The following LUZP2 variants were observed in gnomAD, a reference collection of about 807,000 sequenced individuals.
LUZP2 encodes leucine zipper protein 2.
A neutral mutation model predicts 51.6 loss-of-function variants in LUZP2; 52 were observed. The observed-to-expected ratio is 1.01, with a 90% CI of 0.81 to 1.27. The LOEUF is 1.27. Among genes scored for constraint, LUZP2 ranks in the 50% most tolerant of loss-of-function variants. LUZP2 has a pLI of 0.00. For synonymous variants in LUZP2, 154 were observed against 137.3 expected, an observed-to-expected ratio of 1.12 and a Z score of -0.85; for missense variants, 436 against 395.4, an observed-to-expected ratio of 1.10 and a Z score of -0.87.
intron 5 of LUZP2, among the ~76,000 whole-genome samples, chr11:24,774,381 T>TATACACAC (rs1184772523): frequency 6.4e-5 from 6 of 93,986 alleles, no homozygotes; most frequent in South Asian, 7.3e-4. Flanking sequence ...TATATATATA[T>TATACACAC]ACATACACAC....
intron 9 of LUZP2, among the ~76,000 whole-genome samples, chr11:25,026,487 G>A (rs1857495630): frequency 6.6e-6 from 1 of 152,086 alleles, no homozygotes; most frequent in Admixed American, 6.6e-5. Context: ...AAAGTAGAGT[G>A]TAAGAAATGT....
intron 1 of LUZP2, among the ~76,000 whole-genome samples, chr11:24,690,043 A>T (rs1486486189): frequency 6.6e-6 from 1 of 152,138 alleles, no homozygotes; most frequent in African/African-American, 2.4e-5. Flanking sequence ...ATGCTAAGAC[A>T]CTGGCCTAAT....
At position 24,565,699 on chromosome 11, in the gene LUZP2, A is replaced by G. The variant is rs1042315712; in HGVS notation, c.62+68394A>G. Among the ~76,000 whole-genome samples the G allele has an allele frequency of 4.6e-5, 7 of 152,282 alleles. No homozygotes were observed. In the South Asian group the frequency reaches 1.2e-3, roughly 27 times the overall value. ...TAGAAGAAGTTTTAATATCAAGAATACACAAGATTACAAACACATAGAAAA... is the reference window on the plus strand; with the variant it reads ...TAGAAGAAGTTTTAATATCAAGAATGCACAAGATTACAAACACATAGAAAA... On this transcript the variant is annotated intron_variant, in intron 1 of 11. Transcript: ENST00000336930.
At chr11:24,926,243 G>GTATA (rs1314392077) in intron 7 of LUZP2, among the ~76,000 whole-genome samples, 1 of 143,432 alleles carries the variant, frequency 7.0e-6, no homozygotes, top group Non-Finnish European at 1.5e-5. Flanking sequence ...ATATGTGTGT[G>GTATA]TATATATATA....
intron 1 of LUZP2, among the ~76,000 whole-genome samples, chr11:24,686,556 T>C (rs922986425): frequency 2.6e-5 from 4 of 152,198 alleles, no homozygotes; most frequent in African/African-American, 9.6e-5. Context: ...TAAGTATATC[T>C]GTTCAAAATT....
At chr11:24,878,063 A>G (rs1852328850) in intron 5 of LUZP2, among the ~76,000 whole-genome samples, 1 of 148,318 alleles carries the variant, frequency 6.7e-6, no homozygotes, top group African/African-American at 2.5e-5. Context: ...GGTAAGAGTA[A>G]CTTACACATG....
intron 7 of LUZP2, among the ~76,000 whole-genome samples, chr11:24,965,724 C>A (rs1458904349): frequency 6.6e-6 from 1 of 151,472 alleles, no homozygotes; most frequent in Non-Finnish European, 1.5e-5. Flanking sequence ...AAAGAAGGAA[C>A]AATATGAAAT....
chr11:24,597,407 C>T (rs1853478641), intron 1 of LUZP2, among the ~76,000 whole-genome samples: 1 of 152,120 alleles, frequency 6.6e-6, no homozygotes, highest in Non-Finnish European at 1.5e-5. Context: ...TTTCTCTAAT[C>T]GAAACTCGTA....
intron 5 of LUZP2, among the ~76,000 whole-genome samples, chr11:24,847,956 A>G (rs187900373): frequency 2.0e-4 from 31 of 152,222 alleles, no homozygotes; most frequent in African/African-American, 7.0e-4. Flanking sequence ...TCTTGTTGCT[A>G]TTGTATTTAG....
At chr11:24,940,761 G>A (rs745364523) in intron 7 of LUZP2, among the ~76,000 whole-genome samples, 4 of 152,000 alleles carry the variant, frequency 2.6e-5, no homozygotes, top group Non-Finnish European at 4.4e-5. Context: ...ATAGAACCTT[G>A]AATTCAATCT....
intron 5 of LUZP2, among the ~76,000 whole-genome samples, chr11:24,841,142 G>A (rs1470536547): frequency 1.3e-5 from 2 of 151,964 alleles, no homozygotes; most frequent in Admixed American, 6.6e-5. Flanking sequence ...GGTATTAGGA[G>A]ATGAAGCCTT....
chr11:25,030,942 A>ATGTAT (rs1857646214), intron 9 of LUZP2, among the ~76,000 whole-genome samples: 1 of 2,666 alleles, frequency 3.8e-4, no homozygotes, highest in Non-Finnish European at 8.7e-4. Context: ...TATATATTAT[A>ATGTAT]TATATTATAT....
intron 9 of LUZP2, among the ~76,000 whole-genome samples, chr11:25,046,216 A>T (rs1046151221): frequency 1.5e-4 from 12 of 79,534 alleles, no homozygotes; most frequent in African/African-American, 4.7e-4. Flanking sequence ...ATGAGAGAAA[A>T]GTAATCCTCC....
At chr11:24,705,682 A>G (rs1305998558) in intron 1 of LUZP2, among the ~76,000 whole-genome samples, 1 of 152,204 alleles carries the variant, frequency 6.6e-6, no homozygotes, top group Non-Finnish European at 1.5e-5. Context: ...GACCTCTGCT[A>G]GTTGGAATGC....
At chr11:24,837,665 C>T (rs1271224398) in intron 5 of LUZP2, among the ~76,000 whole-genome samples, 2 of 151,670 alleles carry the variant, frequency 1.3e-5, no homozygotes, top group East Asian at 3.9e-4. Context: ...AATTATGAAG[C>T]TTCAATTTGT....
Position 24,685,423 on chromosome 11 carries a change from C to A in LUZP2, c.63-43746C>A, listed in dbSNP as rs796475451. 2.0e-4 allele frequency among the ~76,000 whole-genome samples: 31 copies of A among 152,252 alleles called. 1 individual carries two copies. The highest frequency in any genetic ancestry group is 7.2e-4 in the African/African-American group (30 of 41,544). On this transcript the variant is annotated intron_variant, in intron 1 of 11. Coordinates refer to ENST00000336930, the MANE Select transcript of LUZP2 (RefSeq NM_001009909.4). ...TCATCTCTTACCTCTACCCCACATA[C>A]ACCCTCCTCACACAGCACACTGAAA...
chr11:25,034,855 C>G (rs534810394), intron 9 of LUZP2, among the ~76,000 whole-genome samples: 1 of 152,198 alleles, frequency 6.6e-6, no homozygotes, highest in African/African-American at 2.4e-5. Context: ...AGGTAGTGTG[C>G]TACCTCCAGT....
At chr11:24,948,400 T>G (rs2133859006) in intron 7 of LUZP2, among the ~76,000 whole-genome samples, 1 of 151,822 alleles carries the variant, frequency 6.6e-6, no homozygotes, top group African/African-American at 2.4e-5. Context: ...TTTAAATTAT[T>G]TATTTGCAAT....
At chr11:24,509,826 C>A (rs1432984531) in intron 1 of LUZP2, among the ~76,000 whole-genome samples, 1 of 151,964 alleles carries the variant, frequency 6.6e-6, no homozygotes, top group Non-Finnish European at 1.5e-5. Flanking sequence ...TCTATGTCTA[C>A]CTTTCTCTCG....
Sources: gnomAD v4.1 joint callset for allele counts (sites outside exome capture counted in the v4.1 genomes callset) on GRCh38, gnomAD v4.1.1 for gene constraint, MANE v1.5 for transcripts, NCBI Gene and HGNC (gene_info 2026-07-23, HGNC 2026-07-21) for gene names.